ZKSCAN4: variants seen among roughly 807,000 people sequenced by gnomAD.
ZKSCAN4 encodes the protein zinc finger protein with KRAB and SCAN domains 4.
Under a neutral mutation model 30.8 loss-of-function variants are expected in ZKSCAN4, and 23 were observed. The observed-to-expected ratio is 0.75, with a 90% confidence interval of 0.54 to 1.06. ZKSCAN4 has a LOEUF of 1.06. Among genes scored for constraint, ZKSCAN4 ranks in the 50% least tolerant of loss-of-function variants. ZKSCAN4 has a pLI of 0.00. For synonymous variants in ZKSCAN4, 208 were observed against 252.5 expected, an observed-to-expected ratio of 0.82 and a Z score of 1.67; for missense variants, 556 against 665.4, an observed-to-expected ratio of 0.84 and a Z score of 1.81.
At chr6:28,252,406 G>A (rs1404626693), upstream of ZKSCAN4, among the ~76,000 whole-genome samples, 2 of 152,158 alleles carry the variant, frequency 1.3e-5, no homozygotes, top group Non-Finnish European at 2.9e-5. Flanking sequence ...TTAAGGGATA[G>A]AGAAGGAAAG....
upstream of ZKSCAN4, among the ~76,000 whole-genome samples, chr6:28,252,983 G>T (rs1761074370): frequency 6.6e-6 from 1 of 152,124 alleles, no homozygotes; most frequent in Non-Finnish European, 1.5e-5. Flanking sequence ...AGGTAGCCAG[G>T]TTACCTGTGT....
At position 28,251,660 on chromosome 6, in the gene ZKSCAN4, C is replaced by G. The variant is rs535536591; in HGVS notation, c.321G>C (p.Gly107=). The G allele has an allele frequency of 6.2e-7, 1 of 1,614,232 alleles. No homozygotes were observed. The highest frequency in any genetic ancestry group is 2.2e-5 in the East Asian group (1 of 44,882). The change falls in exon 1 of 5, where the codon GGG becomes GGC. Residue 107 remains glycine (G), a synonymous_variant. Coordinates refer to ENST00000377294, the MANE Select transcript of ZKSCAN4 (RefSeq NM_019110.5). The surrounding 1 kb of genome is among the most constrained non-coding windows in gnomAD (Gnocchi z 4.5). ...GCTCCCGCACCCAGCTCTGCAGATT[C>G]CCCGGCAGGATGGTCAGGAACTGCT... ...VLEQFLTILP[G]NLQSWVREQH...
In ZKSCAN4 at chr6:28,245,532, C is replaced by A; in HGVS notation, c.1222G>T (p.Asp408Tyr). ...CTCTGGCTGAAGGTCTTCCCACAGT[C>A]ATCACACTCATAGGGCTTCTCCCCA... ...HTGEKPYECD[D>Y]CGKTFSQSCS... The change falls in exon 5 of 5, where the codon GAC (aspartate) becomes TAC (tyrosine). Residue 408 changes from aspartate (D) to tyrosine (Y), a missense_variant. By Grantham distance (160) the Asp-to-Tyr change is radical. This residue lies in a region of ZKSCAN4 where 433 missense variants were observed against 511.5 expected (regional missense o/e 0.85). Transcript: ENST00000377294. 6.2e-7 allele frequency: 1 copy of A among 1,614,048 alleles called. No homozygotes were observed. The highest frequency in any genetic ancestry group is 8.5e-7 in the Non-Finnish European group (1 of 1,180,002).
upstream of ZKSCAN4, among the ~76,000 whole-genome samples, chr6:28,254,193 C>T (rs1761112889): frequency 6.6e-6 from 1 of 152,232 alleles, no homozygotes. Context: ...CAGTGTACAG[C>T]AGCAGCAGAG....
At position 28,249,788 on chromosome 6, in the gene ZKSCAN4, G is replaced by T. The variant is rs1297583368; in HGVS notation, c.470C>A (p.Ala157Glu). The change falls in exon 2 of 5, where the codon GCA becomes GAA. Residue 157 changes from alanine to glutamate, a missense_variant. Ala to Glu is a moderately radical substitution (Grantham distance 107). Transcript: ENST00000377294. The surrounding 1 kb of genome is among the most constrained non-coding windows in gnomAD (Gnocchi z 4.1). The stretch of plus-strand genomic sequence containing the variant: ...AGACCCTTGAGTTTGTGTCAATAGT[G>T]CCATCTTGCAACAGAGCAGTTCTTG... ...QGQELLCCKM[A>E]LLTQTQGSQS... is the part of the protein sequence containing the mutation. 3.7e-6 allele frequency: 6 copies of T among 1,613,978 alleles called. No individual in the cohort carries two copies. In the African/African-American group the frequency reaches 8.0e-5, roughly 22 times the overall value.
upstream of ZKSCAN4, among the ~76,000 whole-genome samples, chr6:28,253,328 T>C (rs148835585): frequency 1.3e-3 from 203 of 152,366 alleles, no homozygotes; most frequent in Middle Eastern, 6.8e-3. This position sits in a 1 kb window ranked among gnomAD's most constrained non-coding sequence, Gnocchi z 4.2. Context: ...AAAAATATCA[T>C]GTCAGTACTT....
At position 28,244,976 on chromosome 6, in the gene ZKSCAN4, G is replaced by T; in HGVS notation, c.*140C>A. The T allele has an allele frequency of 9.2e-7, 1 of 1,090,756 alleles. No individual in the cohort carries two copies. The highest frequency in any genetic ancestry group is 1.4e-6 in the Non-Finnish European group (1 of 715,792). The allele number at this position is 1,090,756 out of a possible 1,614,324, so 67.6% of individuals were successfully genotyped here. A position where few individuals can be genotyped will look rare whatever the true frequency, so the allele number is the denominator to read the frequency against. ...ATGTAGAAGATAACTCATCGTCTCA[G>T]CCAGACTACATTTTCTAATACCCGA... On this transcript the variant is annotated 3_prime_UTR_variant, in exon 5 of 5. Transcript: ENST00000377294.
chr6:28,244,819 C>T lies in ZKSCAN4; in HGVS notation c.*297G>A, dbSNP rs1760630505. On this transcript the variant is annotated 3_prime_UTR_variant, in exon 5 of 5. Coordinates refer to ENST00000377294, the MANE Select transcript of ZKSCAN4 (RefSeq NM_019110.5). Reference sequence around the variant, plus strand: ...CCAACCAGATGTCCTAAAGTGCTGGCTGAGGGCAATTAACAAGTCCAGAAG... The same window carrying T: ...CCAACCAGATGTCCTAAAGTGCTGGTTGAGGGCAATTAACAAGTCCAGAAG... 2 of 420,808 alleles carry T rather than the reference C, an allele frequency of 4.8e-6. No homozygotes were observed. The highest frequency in any genetic ancestry group is 4.4e-6 in the Non-Finnish European group (1 of 224,940). 26.1% of individuals were successfully genotyped at this position (420,808 alleles called of 1,614,324 possible).
intron 2 of ZKSCAN4, 55 bp from the exon 3 acceptor site, chr6:28,248,204 CT>C (rs1760826686): frequency 2.1e-6 from 3 of 1,419,456 alleles, no homozygotes; most frequent in Non-Finnish European, 2.9e-6. Context: ...GCCTCCCCAC[CT>C]TGCAAAATCC....
rs1175022090 is a variant in ZKSCAN4, at chr6:28,248,093, C to A, written c.628G>T (p.Ala210Ser). 2 of 1,613,586 alleles carry A rather than the reference C, an allele frequency of 1.2e-6. No individual in the cohort carries two copies. The highest frequency in any genetic ancestry group is 4.5e-5 in the East Asian group (2 of 44,878). The change falls in exon 3 of 5, where the codon GCT becomes TCT. Residue 210 changes from alanine (A) to serine (S), a missense_variant. Physicochemically the swap from Ala to Ser is moderately conservative, Grantham distance 99. Coordinates refer to ENST00000377294, the MANE Select transcript of ZKSCAN4 (RefSeq NM_019110.5). ...GGCCREDAMV[A>S]SRLTPGSQGL... is the part of the protein sequence containing the mutation. ...TGGGACCCTGGAGTGAGCCTGGAAG[C>A]TACCATTGCATCTTCTCTGCAGCAC...
Position 28,249,917 on chromosome 6 carries a change from T to C in ZKSCAN4, c.424-83A>G. On this transcript the variant is annotated intron_variant, in intron 1 of 4. Transcript: ENST00000377294. This position sits in a 1 kb window ranked among gnomAD's most constrained non-coding sequence, Gnocchi z 4.1. ...TGATTTCTATTTTCTAGGCACTGTTTCTACAAGCCTTATGATATTAACACA... is the reference window on the plus strand; with the variant it reads ...TGATTTCTATTTTCTAGGCACTGTTCCTACAAGCCTTATGATATTAACACA... The C allele has an allele frequency of 6.8e-7, 1 of 1,477,534 alleles. No homozygotes were observed. Among genetic ancestry groups the C allele is most frequent in the Non-Finnish European group, 9.3e-7 (1 of 1,070,074 alleles). The allele number at this position is 1,477,534 out of a possible 1,614,324, so 91.5% of individuals were successfully genotyped here.
Position 28,252,023 on chromosome 6 carries a change from T to A in ZKSCAN4, c.-43A>T, listed in dbSNP as rs1212904967. On this transcript the variant is annotated 5_prime_UTR_variant, in exon 1 of 5. Coordinates refer to ENST00000377294, the MANE Select transcript of ZKSCAN4 (RefSeq NM_019110.5). ...CTCGGGTCTCACTCTAGTTGCGACC[T>A]GTATATCTTCAGAGGATTCTGGAAG... is the stretch of plus-strand genomic sequence containing the variant. 6.6e-7 allele frequency: 1 copy of A among 1,504,606 alleles called. No homozygotes were observed. Among genetic ancestry groups the A allele is most frequent in the South Asian group, 1.4e-5 (1 of 72,068 alleles). 93.2% of individuals were successfully genotyped at this position (1,504,606 alleles called of 1,614,324 possible).
At chr6:28,257,956 A>G in the ZKSCAN4 span, among the ~76,000 whole-genome samples, 243 of 152,302 alleles carry the variant, frequency 1.6e-3, 2 homozygotes, top group Non-Finnish European at 3.0e-3. Flanking sequence ...CTTTACTTAC[A>G]CAAACTCTAT....
rs752839381 is a variant in ZKSCAN4 at position 28,248,138 on chromosome 6, G to C, written c.583C>G (p.Pro195Ala). 1.0e-4 allele frequency: 163 copies of C among 1,613,050 alleles called. No individual in the cohort carries two copies. Among genetic ancestry groups the C allele is most frequent in the South Asian group, 3.2e-4 (29 of 90,872 alleles). Residue 195 changes from proline to alanine, a missense_variant, in exon 3 of 5, where the codon CCT becomes GCT. By Grantham distance (27) the Pro-to-Ala change is conservative (BLOSUM62 -1). Coordinates refer to ENST00000377294, the MANE Select transcript of ZKSCAN4 (RefSeq NM_019110.5). ...QPLHDRVLQV[P>A]GLAQGGCCRE... ...CAGCACCCTCCCTGGGCAAGCCCAG[G>C]AACCTGGAGAACTAAGAAAGAAAGA...
At chr6:28,255,883 G>C (rs1057377693), upstream of ZKSCAN4, among the ~76,000 whole-genome samples, 3 of 152,076 alleles carry the variant, frequency 2.0e-5, no homozygotes, top group African/African-American at 7.2e-5. Context: ...TCCTTCATTA[G>C]AAAACTAATG....
Position 28,245,902 on chromosome 6 carries a change from T to C in ZKSCAN4, c.852A>G (p.Ile284Met). The change falls in exon 5 of 5, where the codon ATA becomes ATG. Residue 284 changes from isoleucine (I) to methionine (M), a missense_variant. Physicochemically the swap from Ile to Met is conservative, Grantham distance 10. Coordinates refer to ENST00000377294, the MANE Select transcript of ZKSCAN4 (RefSeq NM_019110.5). The stretch of plus-strand genomic sequence containing the variant: ...GGGCAATGTCTTCCCTCAGGTGGCA[T>C]ATCTTCCCATGCTCCTTTTCTGGAA... ...KKLPEKEHGK[I>M]CHLREDIAQI... 4 of 1,614,222 alleles carry C rather than the reference T, an allele frequency of 2.5e-6. No individual in the cohort carries two copies. The highest frequency in any genetic ancestry group is 3.4e-6 in the Non-Finnish European group (4 of 1,180,048).
Position 28,252,184 on chromosome 6 carries a change from C to G in ZKSCAN4, c.-204G>C. 2.3e-6 allele frequency: 1 copy of G among 439,088 alleles called. No individual in the cohort carries two copies. The highest frequency in any genetic ancestry group is 3.9e-5 in the Admixed American group (1 of 25,912). 27.2% of individuals were successfully genotyped at this position (439,088 alleles called of 1,614,324 possible). A position where few individuals can be genotyped will look rare whatever the true frequency, so the allele number is the denominator to read the frequency against. On this transcript the variant is annotated 5_prime_UTR_variant, in exon 1 of 5. Coordinates refer to ENST00000377294, the MANE Select transcript of ZKSCAN4 (RefSeq NM_019110.5). ...TTGCAGGGTCGTCCTCTGCACCCCA[C>G]TCTGAATCCCACAGTAAGTATCACC... is the stretch of plus-strand genomic sequence containing the variant.
Position 28,251,415 on chromosome 6 carries a change from G to A in ZKSCAN4, c.423+143C>T. On this transcript the variant is annotated intron_variant, in intron 1 of 4. Transcript: ENST00000377294. The surrounding 1 kb of genome is among the most constrained non-coding windows in gnomAD (Gnocchi z 4.5). ...ATATAATTCTGAGAAGGAGTCCAGG[G>A]ACTTCACCTTACTGCCAAGGAGGTT... The A allele has an allele frequency of 7.5e-7, 1 of 1,336,842 alleles. No homozygotes were observed. Among genetic ancestry groups the A allele is most frequent in the Non-Finnish European group, 1.1e-6 (1 of 949,972 alleles). The allele number at this position is 1,336,842 out of a possible 1,614,324, so 82.8% of individuals were successfully genotyped here. A position where few individuals can be genotyped will look rare whatever the true frequency, so the allele number is the denominator to read the frequency against.
chr6:28,245,333 G>A lies in ZKSCAN4; in HGVS notation c.1421C>T (p.Thr474Met), dbSNP rs374524786. The change falls in exon 5 of 5, where the codon ACG (threonine) becomes ATG (methionine). Residue 474 changes from threonine (T) to methionine (M), a missense_variant. Physicochemically the swap from Thr to Met is moderately conservative, Grantham distance 81. Coordinates refer to ENST00000377294, the MANE Select transcript of ZKSCAN4 (RefSeq NM_019110.5). ...CTCAGTATTTTCCCACTGGCTTTCC[G>A]TCCTACCCTGACTTTCCCAGGACTC... ...HGESWESQGR[T>M]ESQWENTEAP... 7.1e-4 allele frequency: 1,141 copies of A among 1,614,084 alleles called. 12 individuals are homozygous for A. The South Asian group carries it at 0.011, about 15-fold the overall frequency.
Sources: gnomAD v4.1 joint callset for allele counts (sites outside exome capture counted in the v4.1 genomes callset) on GRCh38, gnomAD v4.1.1 for gene constraint, gnomAD v4.1.1 regional missense constraint, Gnocchi (gnomAD v3.1) non-coding constraint, MANE v1.5 for transcripts, NCBI Gene and HGNC (gene_info 2026-07-23, HGNC 2026-07-21) for gene names.